The following COL23A1 variants were observed in gnomAD, a reference collection of about 807,000 sequenced individuals.
COL23A1 encodes collagen alpha-1(XXIII) chain.
In COL23A1, 97 loss-of-function variants were observed where a neutral mutation model predicts 99.3. That is an observed-to-expected ratio of 0.98 (90% CI 0.83 to 1.16). The LOEUF (loss-of-function observed/expected upper bound fraction) is 1.16. COL23A1 is among the 50% of genes most tolerant of loss of function. The probability of loss-of-function intolerance (pLI) is 0.00; values close to 1 mark genes in which losing one functional copy is unlikely to be tolerated. For missense variants in COL23A1, 762 were observed against 757.4 expected, an observed-to-expected ratio of 1.01 and a Z score of -0.07; for synonymous variants, 320 against 308.2, an observed-to-expected ratio of 1.04 and a Z score of -0.40.
intron 2 of COL23A1, among the ~76,000 whole-genome samples, chr5:178,520,673 C>T (rs980149183): frequency 6.6e-6 from 1 of 152,168 alleles, no homozygotes; most frequent in Non-Finnish European, 1.5e-5. Context: ...TTGAGCAAAT[C>T]CCTTCTCCTT....
chr5:178,363,712 T>G (rs2910109), intron 2 of COL23A1, among the ~76,000 whole-genome samples: 112,703 of 152,162 alleles, frequency 0.74, 41,920 homozygotes, highest in East Asian at 0.9. Context: ...GCTGTGGGTG[T>G]CGGCTGCAGG....
At chr5:178,486,863 G>A (rs1023190074) in intron 2 of COL23A1, among the ~76,000 whole-genome samples, 4 of 152,192 alleles carry the variant, frequency 2.6e-5, no homozygotes, top group South Asian at 2.1e-4. Context: ...CTAAGATGGC[G>A]TTTCACACCC....
chr5:178,394,758 G>A (rs1041452155), intron 2 of COL23A1, among the ~76,000 whole-genome samples: 6 of 146,914 alleles, frequency 4.1e-5, no homozygotes, highest in African/African-American at 1.5e-4. Flanking sequence ...AGGGTCACAA[G>A]TGGGACATAG....
intron 2 of COL23A1, among the ~76,000 whole-genome samples, chr5:178,520,473 G>A (rs1182473781): frequency 2.0e-5 from 3 of 152,186 alleles, no homozygotes; most frequent in Non-Finnish European, 4.4e-5. Context: ...TTGGACCAGG[G>A]CTCAGGGCTC....
At chr5:178,551,382 T>C (rs781720949) in intron 2 of COL23A1, among the ~76,000 whole-genome samples, 3 of 152,068 alleles carry the variant, frequency 2.0e-5, no homozygotes, top group Non-Finnish European at 4.4e-5. Context: ...TAAACTATGC[T>C]TTAAGAGAAG....
intron 2 of COL23A1, among the ~76,000 whole-genome samples, chr5:178,456,196 CAA>C (rs1486511477): frequency 6.6e-6 from 1 of 152,162 alleles, no homozygotes; most frequent in South Asian, 2.1e-4. Flanking sequence ...TACAGATTTT[CAA>C]AGAGTTATAC....
chr5:178,405,753 A>G (rs1764730376), intron 2 of COL23A1, among the ~76,000 whole-genome samples: 1 of 152,230 alleles, frequency 6.6e-6, no homozygotes, highest in East Asian at 1.9e-4. Context: ...AGAACAAACT[A>G]AAAACCACTA....
intron 2 of COL23A1, among the ~76,000 whole-genome samples, chr5:178,418,832 T>A (rs1413213088): frequency 6.6e-6 from 1 of 152,200 alleles, no homozygotes. Context: ...GTAAGCCATG[T>A]GGCCCTGATT....
chr5:178,379,128 T>C (rs1294749887), intron 2 of COL23A1, among the ~76,000 whole-genome samples: 1 of 152,142 alleles, frequency 6.6e-6, no homozygotes, highest in East Asian at 1.9e-4. Context: ...AGGGTTTGGC[T>C]AACAGATTGT....
intron 11 of COL23A1, 76 bp from the exon 12 acceptor site, chr5:178,259,823 C>T (rs1182154515): frequency 2.8e-6 from 4 of 1,411,558 alleles, no homozygotes; most frequent in East Asian, 2.4e-5. Flanking sequence ...ACCTCTTGTT[C>T]CTCGGGTAGA....
intron 8 of COL23A1, among the ~76,000 whole-genome samples, chr5:178,265,063 G>A (rs1029795110): frequency 1.3e-5 from 2 of 152,220 alleles, no homozygotes; most frequent in African/African-American, 2.4e-5. Flanking sequence ...AGCCAGGGAA[G>A]GCAGAGGCTC....
intron 2 of COL23A1, among the ~76,000 whole-genome samples, chr5:178,482,675 C>T (rs981962528): frequency 6.6e-6 from 1 of 151,688 alleles, no homozygotes; most frequent in Admixed American, 6.6e-5. Context: ...GGGCAGATCA[C>T]GAGGTCAGGA....
intron 2 of COL23A1, among the ~76,000 whole-genome samples, chr5:178,494,119 C>T (rs950492820): frequency 1.3e-5 from 2 of 152,220 alleles, no homozygotes; most frequent in African/African-American, 2.4e-5. Context: ...GAACATTATA[C>T]GGGAGTGTGG....
chr5:178,330,282 A>C (rs773544691), intron 2 of COL23A1, among the ~76,000 whole-genome samples: 5 of 152,236 alleles, frequency 3.3e-5, no homozygotes, highest in Non-Finnish European at 5.9e-5. Flanking sequence ...TTTGGTGCTC[A>C]GTCCTCACAG....
At chr5:178,551,569 C>A (rs549155795) in intron 2 of COL23A1, among the ~76,000 whole-genome samples, 1 of 152,284 alleles carries the variant, frequency 6.6e-6, no homozygotes, top group African/African-American at 2.4e-5. Flanking sequence ...TCTGTCTTCT[C>A]CTGTGCCCAC....
At chr5:178,469,067 C>T (rs986718882) in intron 2 of COL23A1, among the ~76,000 whole-genome samples, 1 of 152,208 alleles carries the variant, frequency 6.6e-6, no homozygotes, top group African/African-American at 2.4e-5. Context: ...GTCCATGTTG[C>T]AGCACGTGTC....
At chr5:178,489,843 A>C (rs1390486543) in intron 2 of COL23A1, among the ~76,000 whole-genome samples, 2 of 152,210 alleles carry the variant, frequency 1.3e-5, no homozygotes. Flanking sequence ...CACTATTTAC[A>C]ATACCCAAGA....
Position 178,256,889 on chromosome 5 carries a change from C to T in COL23A1, c.814G>A (p.Val272Met). ...GSMGPRGENG[V>M]DGAPGPKGEP... ...ACCTTCGGTCCTGGGGCACCGTCCA[C>T]ACCGTTCTCTCCCCGAGGCCCCATG... is the stretch of plus-strand genomic sequence containing the variant. Residue 272 changes from valine to methionine, a missense_variant, in exon 14 of 29, where the codon GTG (valine) becomes ATG (methionine). Transcript: ENST00000390654. The T allele has an allele frequency of 1.9e-6, 3 of 1,613,582 alleles. No individual in the cohort carries two copies. The highest frequency in any genetic ancestry group is 2.5e-6 in the Non-Finnish European group (3 of 1,179,850).
At chr5:178,349,351 A>G (rs1291826607) in intron 2 of COL23A1, among the ~76,000 whole-genome samples, 1 of 152,188 alleles carries the variant, frequency 6.6e-6, no homozygotes, top group Non-Finnish European at 1.5e-5. Flanking sequence ...GCAGAGGCCC[A>G]CTGCGGCGGG....
Sources: gnomAD v4.1 joint callset for allele counts (sites outside exome capture counted in the v4.1 genomes callset) on GRCh38, gnomAD v4.1.1 for gene constraint, MANE v1.5 for transcripts, NCBI Gene and HGNC (gene_info 2026-07-23, HGNC 2026-07-21) for gene names.